The following CNST variants were observed in gnomAD, a reference collection of about 807,000 sequenced individuals.
The protein encoded by CNST is consortin, connexin sorting protein.
In CNST, 39 loss-of-function variants were observed where a neutral mutation model predicts 72.4. That is an observed-to-expected ratio of 0.54 (90% CI 0.42 to 0.70). CNST has a LOEUF of 0.70. Among genes scored for constraint, CNST ranks in the 30% least tolerant of loss-of-function variants. The probability of loss-of-function intolerance (pLI) is 0.00; values close to 1 mark genes in which losing one functional copy is unlikely to be tolerated. For missense variants in CNST, 871 were observed against 868.5 expected, an observed-to-expected ratio of 1.00 and a Z score of -0.04; for synonymous variants, 332 against 320.1, an observed-to-expected ratio of 1.04 and a Z score of -0.40.
chr1:246,625,322 C>T (rs965914294), intron 3 of CNST, among the ~76,000 whole-genome samples: 3 of 151,930 alleles, frequency 2.0e-5, no homozygotes, highest in Non-Finnish European at 1.5e-5. Context: ...AGTCTTTCTC[C>T]GCCCCTTTCT....
intron 6 of CNST, among the ~76,000 whole-genome samples, chr1:246,637,040 G>C (rs1665314916): frequency 1.3e-5 from 2 of 152,242 alleles, no homozygotes; most frequent in African/African-American, 4.8e-5. Context: ...GGTAGATACA[G>C]GCCATCTCTG....
chr1:246,579,280 T>A (rs1660639108), intron 1 of CNST, among the ~76,000 whole-genome samples: 1 of 152,176 alleles, frequency 6.6e-6, no homozygotes, highest in African/African-American at 2.4e-5. Context: ...CTGGTCAGCT[T>A]TTTCTCTTTC....
At position 246,631,782 on chromosome 1, in the gene CNST, CTTAAT is replaced by C. The variant is rs1664784674; in HGVS notation, c.586-109_586-105del. The C allele has an allele frequency of 9.1e-6, 7 of 768,768 alleles. 1 individual carries two copies. In the South Asian group the frequency reaches 1.1e-4, roughly 12 times the overall value. 47.6% of individuals were successfully genotyped at this position (768,768 alleles called of 1,614,324 possible). A position where few individuals can be genotyped will look rare whatever the true frequency, so the allele number is the denominator to read the frequency against. ...GAATGTAGTTTAAAAAAAGAGTTTT[CTTAAT>C]TTGATATCAAAAACATTTGGAATTT... On this transcript the variant is annotated intron_variant, in intron 3 of 10. Coordinates refer to ENST00000366513, the MANE Select transcript of CNST (RefSeq NM_152609.3).
Position 246,589,908 on chromosome 1 carries a change from G to A in CNST, c.-51-1604G>A, listed in dbSNP as rs202191169. Among the ~76,000 whole-genome samples, 561 of 152,316 alleles carry A rather than the reference G, an allele frequency of 3.7e-3. 13 individuals carry two copies. In the East Asian group the frequency reaches 0.057, roughly 15 times the overall value. On this transcript the variant is annotated intron_variant, in intron 1 of 10. Transcript: ENST00000366513. ...TCATGTGTGTTTTGGCTGCATAAATGTCTTCTTTTGAGAAGTGTCTGTTCA... is the reference window on the plus strand; with the variant it reads ...TCATGTGTGTTTTGGCTGCATAAATATCTTCTTTTGAGAAGTGTCTGTTCA...
intron 2 of CNST, among the ~76,000 whole-genome samples, chr1:246,609,175 T>G (rs1013367255): frequency 6.6e-6 from 1 of 152,200 alleles, no homozygotes; most frequent in African/African-American, 2.4e-5. Flanking sequence ...TTGACTAATT[T>G]CCAGATTTAT....
intron 1 of CNST, among the ~76,000 whole-genome samples, chr1:246,587,719 T>C (rs987831949): frequency 2.6e-5 from 4 of 152,262 alleles, no homozygotes; most frequent in African/African-American, 4.8e-5. Flanking sequence ...ATACCCACAA[T>C]GAGGCTTTTG....
intron 10 of CNST, among the ~76,000 whole-genome samples, chr1:246,663,900 G>A (rs12025141): frequency 0.37 from 56,468 of 151,922 alleles, 12,504 homozygotes; most frequent in African/African-American, 0.62. Flanking sequence ...ATGATTGGGC[G>A]GGAGAAAAAC....
intron 8 of CNST, 104 bp downstream of exon 8, chr1:246,642,141 T>G (rs1360208610): frequency 1.1e-5 from 7 of 616,152 alleles, no homozygotes; most frequent in Middle Eastern, 4.5e-4. Flanking sequence ...TGGTTTTTTT[T>G]TTTTTTTTTT....
chr1:246,647,863 A>G lies in CNST; in HGVS notation c.1662A>G (p.Gly554=), dbSNP rs372160522. Residue 554 remains glycine, a synonymous_variant, in exon 9 of 11, where the codon GGA becomes GGG. Transcript: ENST00000366513. The part of the protein sequence containing the change: ...TEDYLNSLLE[G]CLKDTEDSLS... ...ACTATTTGAACAGCCTTTTAGAAGG[A>G]TGTTTAAAAGATACTGAAGATTCCC... The G allele has an allele frequency of 1.2e-4, 188 of 1,614,074 alleles. 1 individual carries two copies. The highest frequency in any genetic ancestry group is 3.3e-4 in the Middle Eastern group (2 of 6,084).
chr1:246,598,103 T>C (rs1306571853), intron 2 of CNST, among the ~76,000 whole-genome samples: 1 of 151,622 alleles, frequency 6.6e-6, no homozygotes, highest in Non-Finnish European at 1.5e-5. Context: ...CACCTCAGCC[T>C]CCCAAGTAGC....
chr1:246,621,096 T>C (rs1490304923), intron 2 of CNST, among the ~76,000 whole-genome samples: 1 of 152,244 alleles, frequency 6.6e-6, no homozygotes, highest in Non-Finnish European at 1.5e-5. Context: ...TGTATTTCAG[T>C]AGCTGTTAGT....
intron 8 of CNST, 61 bp downstream of exon 8, chr1:246,642,098 A>T: frequency 1.2e-6 from 1 of 819,338 alleles, no homozygotes; most frequent in Non-Finnish European, 1.9e-6. Flanking sequence ...CTGATCTTTT[A>T]CAAGTGATAC....
chr1:246,595,017 A>G (rs1316188056), intron 2 of CNST, among the ~76,000 whole-genome samples: 5 of 152,188 alleles, frequency 3.3e-5, no homozygotes, highest in African/African-American at 1.2e-4. Context: ...TAGAGTTTTT[A>G]TATTTTACAG....
intron 2 of CNST, among the ~76,000 whole-genome samples, chr1:246,620,886 T>C (rs1382557147): frequency 3.3e-5 from 5 of 151,262 alleles, no homozygotes; most frequent in Non-Finnish European, 7.4e-5. Context: ...GTACACACTA[T>C]GGGCTCTGGG....
At chr1:246,651,239 C>T (rs981202938) in intron 9 of CNST, among the ~76,000 whole-genome samples, 8 of 151,884 alleles carry the variant, frequency 5.3e-5, no homozygotes, top group African/African-American at 1.9e-4. Flanking sequence ...TTAGGAACCC[C>T]GAGGCAATGA....
intron 1 of CNST, among the ~76,000 whole-genome samples, chr1:246,574,808 GTCCT>G (rs141448896): frequency 0.073 from 11,113 of 152,078 alleles, 551 homozygotes; most frequent in Middle Eastern, 0.17. Flanking sequence ...GTTATTGCAT[GTCCT>G]TCCTAAATCT....
chr1:246,641,620 A>G (rs1242631022), intron 6 of CNST, 129 bp from the exon 7 acceptor site: 2 of 627,514 alleles, frequency 3.2e-6, no homozygotes, highest in African/African-American at 3.7e-5. Flanking sequence ...CAGCCGTGGA[A>G]ATGTTCTGTG....
intron 2 of CNST, among the ~76,000 whole-genome samples, chr1:246,610,692 T>C (rs1202705132): frequency 6.6e-6 from 1 of 152,142 alleles, no homozygotes; most frequent in East Asian, 1.9e-4. Context: ...GCTCAGGTAC[T>C]CCTTTAACAC....
intron 6 of CNST, among the ~76,000 whole-genome samples, chr1:246,634,875 C>T (rs552436396): frequency 2.6e-5 from 4 of 152,156 alleles, no homozygotes; most frequent in Non-Finnish European, 5.9e-5. Flanking sequence ...GTTTTACAGT[C>T]TCCTGTAAAC....
Sources: gnomAD v4.1 joint callset for allele counts (sites outside exome capture counted in the v4.1 genomes callset) on GRCh38, gnomAD v4.1.1 for gene constraint, MANE v1.5 for transcripts, NCBI Gene and HGNC (gene_info 2026-07-23, HGNC 2026-07-21) for gene names.